The following LSAMP variants were observed in gnomAD, a reference collection of about 807,000 sequenced individuals.
The protein encoded by LSAMP is limbic system-associated membrane protein.
LSAMP carries 7 observed loss-of-function variants against 38.6 expected under a neutral mutation model. The observed-to-expected ratio is 0.18, with a 90% CI of 0.10 to 0.34. The LOEUF (loss-of-function observed/expected upper bound fraction) is 0.34. Among genes scored for constraint, LSAMP ranks in the 10% least tolerant of loss-of-function variants. The pLI, the probability that LSAMP is intolerant of heterozygous loss-of-function variation, is 1.00. For synonymous variants in LSAMP, 154 were observed against 166.8 expected (o/e 0.92, Z 0.59); for missense variants, 313 against 420.0 (o/e 0.75, Z 2.23).
chr3:116,062,888 T>C (rs530180928), intron 2 of LSAMP, among the ~76,000 whole-genome samples: 8 of 152,198 alleles, frequency 5.3e-5, no homozygotes, highest in Non-Finnish European at 1.2e-4. Flanking sequence ...ACTGTAAAAC[T>C]GTATTTCTTA....
intron 1 of LSAMP, among the ~76,000 whole-genome samples, chr3:116,096,137 A>G (rs1031775775): frequency 1.3e-5 from 2 of 152,202 alleles, no homozygotes; most frequent in Non-Finnish European, 2.9e-5. Flanking sequence ...CCTGGATCTA[A>G]TGTGTCCAAT....
rs139385908 is a variant in LSAMP at position 116,343,763 on chromosome 3, T to C, written c.155+101114A>G. 2.4e-3 allele frequency among the ~76,000 whole-genome samples: 361 copies of C among 152,092 alleles called. 2 individuals carry two copies. The highest frequency in any genetic ancestry group is 3.7e-3 in the Admixed American group (56 of 15,246). ...AGGTCAACACAACATAAGCAAAAGA[T>C]GGAATGCAGGTCACCCACCCTGAAC... is the stretch of plus-strand genomic sequence containing the variant. On this transcript the variant is annotated intron_variant, in intron 1 of 6. Coordinates refer to ENST00000490035, the MANE Select transcript of LSAMP (RefSeq NM_002338.5).
chr3:116,263,036 T>A (rs1195164580), intron 1 of LSAMP, among the ~76,000 whole-genome samples: 1 of 152,250 alleles, frequency 6.6e-6, no homozygotes, highest in Non-Finnish European at 1.5e-5. Context: ...TCACTCTACC[T>A]ACTTTCCCTG....
At position 116,354,308 on chromosome 3, in the gene LSAMP, C is replaced by T. The variant is rs191265304; in HGVS notation, c.155+90569G>A. Among the ~76,000 whole-genome samples the T allele has an allele frequency of 2.3e-3, 348 of 152,268 alleles. 2 individuals carry two copies. Among genetic ancestry groups the T allele is most frequent in the Non-Finnish European group, 3.8e-3 (258 of 68,002 alleles). Reference sequence around the variant, plus strand: ...CAGACACTTCTATGCAAACTCCACACCTTATTGATGCTACCTGCCTCTTCA... The same window carrying T: ...CAGACACTTCTATGCAAACTCCACATCTTATTGATGCTACCTGCCTCTTCA... On this transcript the variant is annotated intron_variant, in intron 1 of 6. Transcript: ENST00000490035.
intron 1 of LSAMP, among the ~76,000 whole-genome samples, chr3:116,344,397 GGAA>G (rs2048037103): frequency 6.6e-6 from 1 of 152,098 alleles, no homozygotes; most frequent in African/African-American, 2.4e-5. Context: ...AGCCAAAGAT[GGAA>G]GAAGGGGGTG....
chr3:116,084,762 T>G (rs954588720), intron 2 of LSAMP, among the ~76,000 whole-genome samples: 2 of 152,068 alleles, frequency 1.3e-5, no homozygotes, highest in Non-Finnish European at 2.9e-5. Context: ...AATCAATCAG[T>G]TTTTTTCAAG....
chr3:116,035,602 AAGAC>A (rs1476968597), intron 2 of LSAMP, among the ~76,000 whole-genome samples: 1 of 152,194 alleles, frequency 6.6e-6, no homozygotes, highest in Non-Finnish European at 1.5e-5. Context: ...CAAAAAAACA[AAGAC>A]AAACACATTA....
chr3:115,838,632 A>C (rs180766606), intron 6 of LSAMP, among the ~76,000 whole-genome samples: 2 of 152,330 alleles, frequency 1.3e-5, no homozygotes, highest in South Asian at 2.1e-4. Flanking sequence ...GGTAGTGTGG[A>C]TCTTTGACAA....
chr3:116,160,217 T>C (rs1396478956), intron 1 of LSAMP, among the ~76,000 whole-genome samples: 2 of 152,110 alleles, frequency 1.3e-5, no homozygotes, highest in African/African-American at 4.8e-5. Context: ...CTGACCAACA[T>C]GGTGAAACCC....
At chr3:116,053,275 T>C (rs1024326695) in intron 2 of LSAMP, among the ~76,000 whole-genome samples, 16 of 152,206 alleles carry the variant, frequency 1.1e-4, no homozygotes, top group African/African-American at 3.6e-4. Context: ...TTCAATTCAA[T>C]TAAATCATGG....
At chr3:115,959,598 A>C (rs1186487765) in intron 3 of LSAMP, among the ~76,000 whole-genome samples, 3 of 152,134 alleles carry the variant, frequency 2.0e-5, no homozygotes, top group Non-Finnish European at 2.9e-5. Flanking sequence ...CTTTGCATCT[A>C]ACTAGCCTTG....
At chr3:115,946,548 T>C (rs1234191790) in intron 3 of LSAMP, among the ~76,000 whole-genome samples, 1 of 152,190 alleles carries the variant, frequency 6.6e-6, no homozygotes, top group East Asian at 1.9e-4. Context: ...GTGAAAATAA[T>C]GTATTCCTTG....
Position 116,377,445 on chromosome 3 carries a change from G to A in LSAMP, c.155+67432C>T, listed in dbSNP as rs532989258. On this transcript the variant is annotated intron_variant, in intron 1 of 6. Coordinates refer to ENST00000490035, the MANE Select transcript of LSAMP (RefSeq NM_002338.5). The stretch of plus-strand genomic sequence containing the variant: ...TTATGGCAGCTTAGTATTCCATAAT[G>A]TATATGTACCACATTTTCTTTATCC... Among the ~76,000 whole-genome samples the A allele has an allele frequency of 1.1e-3, 165 of 152,196 alleles. 2 individuals are homozygous for A. The highest frequency in any genetic ancestry group is 3.9e-3 in the African/African-American group (163 of 41,542).
chr3:116,422,747 G>T (rs1475543393), intron 1 of LSAMP, among the ~76,000 whole-genome samples: 1 of 152,154 alleles, frequency 6.6e-6, no homozygotes, highest in Non-Finnish European at 1.5e-5. Flanking sequence ...TATATAAGTT[G>T]TACCTCATTA....
chr3:116,030,040 T>C (rs1421897088), intron 2 of LSAMP, among the ~76,000 whole-genome samples: 2 of 152,140 alleles, frequency 1.3e-5, no homozygotes, highest in Non-Finnish European at 2.9e-5. Context: ...AAAGAAATGT[T>C]ACGTAGCTCA....
chr3:116,184,222 C>G (rs1710556095), intron 1 of LSAMP, among the ~76,000 whole-genome samples: 1 of 151,830 alleles, frequency 6.6e-6, no homozygotes, highest in African/African-American at 2.4e-5. Context: ...TTGCATGTAT[C>G]AACTAATTTA....
At chr3:116,107,116 G>T (rs1708485616) in intron 1 of LSAMP, among the ~76,000 whole-genome samples, 1 of 152,082 alleles carries the variant, frequency 6.6e-6, no homozygotes, top group South Asian at 2.1e-4. Context: ...AAGGAAATAT[G>T]GGGAAATGGG....
chr3:115,831,371 G>A (rs1299512254), intron 6 of LSAMP, among the ~76,000 whole-genome samples: 1 of 152,180 alleles, frequency 6.6e-6, no homozygotes, highest in Non-Finnish European at 1.5e-5. Flanking sequence ...CCACGCTCAA[G>A]GGAATTTTTC....
At chr3:116,114,300 C>G (rs1708694768) in intron 1 of LSAMP, among the ~76,000 whole-genome samples, 1 of 152,168 alleles carries the variant, frequency 6.6e-6, no homozygotes, top group African/African-American at 2.4e-5. Context: ...TTTTCACATC[C>G]TGTATCTCAA....
Sources: allele counts gnomAD v4.1 joint callset (sites outside exome capture counted in the v4.1 genomes callset), GRCh38; gene constraint gnomAD v4.1.1; transcripts MANE v1.5; gene names NCBI Gene and HGNC (gene_info 2026-07-23, HGNC 2026-07-21).